The following DHX36 variants were observed in gnomAD, a reference collection of about 807,000 sequenced individuals.
DHX36 encodes the protein DEAH-box helicase 36, also known as ATP-dependent DNA/RNA helicase DHX36.
A neutral mutation model predicts 139.0 loss-of-function variants in DHX36; 50 were observed. The ratio of observed to expected loss-of-function variants is 0.36; its 90% CI spans 0.29 to 0.46. The LOEUF is 0.46. Among genes scored for constraint, DHX36 ranks in the 20% least tolerant of loss-of-function variants. The pLI, the probability that DHX36 is intolerant of heterozygous loss-of-function variation, is 1.00. For missense variants in DHX36, 1,024 were observed against 1,211.3 expected (o/e 0.85, Z 2.29); for synonymous variants, 425 against 401.9 (o/e 1.06, Z -0.69).
rs1173603513 is a variant in DHX36, at chr3:154,284,638, T to C, written c.2237A>G (p.Lys746Arg). 4 of 1,612,914 alleles carry C rather than the reference T, an allele frequency of 2.5e-6. No individual in the cohort carries two copies. The highest frequency in any genetic ancestry group is 3.4e-6 in the Non-Finnish European group (4 of 1,179,452). ...ACTTCTAGTATCCTTTGCCAATTCC[T>C]TTCTTCTTGCATCTGCAATCTTTTC... ...GKEKIADARR[K>R]ELAKDTRSDH... Residue 746 changes from lysine (K) to arginine (R), a missense_variant, in exon 19 of 25, where the codon AAG becomes AGG. Physicochemically the swap from Lys to Arg is conservative, Grantham distance 26. Transcript: ENST00000496811.
chr3:154,277,966 C>T (rs906600254), intron 22 of DHX36: 12 of 288,166 alleles, frequency 4.2e-5, no homozygotes, highest in African/African-American at 2.6e-4. Flanking sequence ...AATCATGTAA[C>T]TAATCTTCTT....
intron 4 of DHX36, among the ~76,000 whole-genome samples, chr3:154,311,373 T>A (rs973856453): frequency 6.6e-6 from 1 of 152,106 alleles, no homozygotes; most frequent in Non-Finnish European, 1.5e-5. Flanking sequence ...AAGGTATTTA[T>A]CCAAACTAAC....
chr3:154,278,094 T>C (rs924894129), intron 22 of DHX36, among the ~76,000 whole-genome samples: 2 of 152,118 alleles, frequency 1.3e-5, no homozygotes, highest in African/African-American at 4.8e-5. Context: ...AATAATTAAG[T>C]GATTCATACC....
intron 12 of DHX36, among the ~76,000 whole-genome samples, chr3:154,295,959 G>A (rs1712031667): frequency 6.6e-6 from 1 of 151,946 alleles, no homozygotes; most frequent in East Asian, 1.9e-4. Context: ...GTAGAGATGG[G>A]GATTTGCCAT....
At chr3:154,297,115 A>G (rs1336984904) in intron 12 of DHX36, among the ~76,000 whole-genome samples, 2 of 152,234 alleles carry the variant, frequency 1.3e-5, no homozygotes, top group African/African-American at 4.8e-5. Flanking sequence ...CATGAGGAAA[A>G]GCAGGGAGTG....
chr3:154,315,457 A>T (rs542750565), intron 2 of DHX36, among the ~76,000 whole-genome samples, 177 bp from the exon 3 acceptor site: 1 of 152,156 alleles, frequency 6.6e-6, no homozygotes, highest in South Asian at 2.1e-4. Context: ...ATAAATTCAA[A>T]TTTTTCTTCC....
intron 9 of DHX36, among the ~76,000 whole-genome samples, chr3:154,301,871 G>T (rs75730453): frequency 1.3e-5 from 2 of 151,928 alleles, no homozygotes; most frequent in Non-Finnish European, 2.9e-5. Flanking sequence ...AGGCATCTCT[G>T]AGCTCAACTA....
intron 4 of DHX36, among the ~76,000 whole-genome samples, chr3:154,310,827 A>ATG (rs1338398085): frequency 2.0e-4 from 7 of 35,756 alleles, no homozygotes; most frequent in African/African-American, 8.3e-4. Context: ...ATATATATAT[A>ATG]TATATATATA....
At chr3:154,300,755 A>G in intron 10 of DHX36, 59 bp from the exon 11 acceptor site, 1 of 1,452,434 alleles carries the variant, frequency 6.9e-7, no homozygotes, top group Non-Finnish European at 9.6e-7. Context: ...TTAACTTGCT[A>G]CAAAAGCTTA....
chr3:154,310,806 A>AAT (rs71152800), intron 4 of DHX36, among the ~76,000 whole-genome samples: 8 of 56,378 alleles, frequency 1.4e-4, no homozygotes, highest in Admixed American at 3.7e-4. Flanking sequence ...AAAAAAAAAA[A>AAT]ATATATATAT....
chr3:154,296,017 CTCAGCCT>C (rs1712033260), intron 12 of DHX36, among the ~76,000 whole-genome samples: 1 of 152,200 alleles, frequency 6.6e-6, no homozygotes, highest in South Asian at 2.1e-4. Flanking sequence ...ATCCACCCAC[CTCAGCCT>C]TCCGAAGTAC....
rs774855423 is a variant in DHX36, at chr3:154,292,609, T to C, written c.1756A>G (p.Met586Val). ...HFDTQNNIST[M>V]SAEWVSKANA... ...GCTTTACTAACCCACTCAGCGGACATTGTACTGATATTGTTCTGAGTATCA... is the reference window on the plus strand; with the variant it reads ...GCTTTACTAACCCACTCAGCGGACACTGTACTGATATTGTTCTGAGTATCA... The change falls in exon 15 of 25, where the codon ATG becomes GTG. Residue 586 changes from methionine (M) to valine (V), a missense_variant. Physicochemically the swap from Met to Val is conservative, Grantham distance 21. Transcript: ENST00000496811. 27 of 1,613,962 alleles carry C rather than the reference T, an allele frequency of 1.7e-5. No individual in the cohort carries two copies. The highest frequency in any genetic ancestry group is 2.7e-5 in the African/African-American group (2 of 74,898).
At chr3:154,309,872 A>G in intron 4 of DHX36, 49 bp from the exon 5 acceptor site, 1 of 1,365,386 alleles carries the variant, frequency 7.3e-7, no homozygotes, top group Non-Finnish European at 1.0e-6. Flanking sequence ...CTAAGTCTGA[A>G]AAAAGATATT....
In DHX36 at chr3:154,305,138, T is replaced by C; in HGVS notation, c.924A>G (p.Leu308=). 1 of 1,613,614 alleles carries C rather than the reference T, an allele frequency of 6.2e-7. No homozygotes were observed. ...SRLPRKQGSI[L]YCTTGIILQW... is the part of the protein sequence containing the mutation. ...GAAGGATGATTCCTGTTGTACAGTA[T>C]AAGATAGAACCCTGTTTCCTTGGCA... The change falls in exon 7 of 25, where the codon TTA becomes TTG. Residue 308 remains leucine, a synonymous_variant. Coordinates refer to ENST00000496811, the MANE Select transcript of DHX36 (RefSeq NM_020865.3).
intron 15 of DHX36, among the ~76,000 whole-genome samples, chr3:154,290,467 C>T (rs1711745828): frequency 6.6e-6 from 1 of 151,812 alleles, no homozygotes; most frequent in African/African-American, 2.4e-5. Flanking sequence ...GAAACCCCAT[C>T]TGTACTAAAA....
intron 5 of DHX36, 85 bp downstream of exon 5, chr3:154,309,568 A>T: frequency 8.3e-7 from 1 of 1,205,228 alleles, no homozygotes; most frequent in Non-Finnish European, 1.1e-6. Context: ...CCTAATTAAG[A>T]ATCACTCCAC....
intron 19 of DHX36, 112 bp downstream of exon 19, chr3:154,284,471 G>A (rs1399871400): frequency 1.4e-5 from 13 of 921,512 alleles, no homozygotes; most frequent in East Asian, 5.4e-5. Flanking sequence ...ATGAGCCACC[G>A]CGCCCGGCCT....
intron 19 of DHX36, 81 bp downstream of exon 19, chr3:154,284,502 G>T: frequency 7.8e-7 from 1 of 1,277,834 alleles, no homozygotes; most frequent in Non-Finnish European, 1.1e-6. Context: ...ATTTCAAAAG[G>T]TTAAATATGA....
intron 17 of DHX36, among the ~76,000 whole-genome samples, chr3:154,286,699 C>T (rs1268749441): frequency 1.3e-5 from 2 of 151,896 alleles, no homozygotes; most frequent in African/African-American, 4.8e-5. Flanking sequence ...TCAGTTCTCC[C>T]CAAACTGATT....
Sources: allele counts gnomAD v4.1 joint callset (sites outside exome capture counted in the v4.1 genomes callset), GRCh38; gene constraint gnomAD v4.1.1; transcripts MANE v1.5; gene names NCBI Gene and HGNC (gene_info 2026-07-23, HGNC 2026-07-21).